MAP3K6: variants seen among roughly 807,000 people sequenced by gnomAD.
MAP3K6 encodes mitogen-activated protein kinase kinase kinase 6, also known as apoptosis signal-regulating kinase 2.
A neutral mutation model predicts 147.1 loss-of-function variants in MAP3K6; 105 were observed. The observed-to-expected ratio is 0.71, with a 90% CI of 0.61 to 0.84. MAP3K6 has a LOEUF of 0.84. MAP3K6 is among the 40% of genes least tolerant of loss of function. The pLI, the probability that MAP3K6 is intolerant of heterozygous loss-of-function variation, is 0.00. For synonymous variants in MAP3K6, 695 were observed against 732.4 expected, an observed-to-expected ratio of 0.95 and a Z score of 0.82; for missense variants, 1,569 against 1,715.0, an observed-to-expected ratio of 0.91 and a Z score of 1.50.
rs766950034 is a variant in MAP3K6 at position 27,355,665 on chromosome 1, G to A, written c.3788+4C>T. The A allele has an allele frequency of 1.6e-5, 26 of 1,613,406 alleles. No individual in the cohort carries two copies. Among genetic ancestry groups the A allele is most frequent in the Non-Finnish European group, 2.2e-5 (26 of 1,179,962 alleles). On this transcript the variant is annotated splice_donor_region_variant and intron_variant, in intron 28 of 28. Coordinates refer to ENST00000357582, the MANE Select transcript of MAP3K6 (RefSeq NM_004672.5). ...GGTTCACACTTGGGGGGCCCAGGAT[G>A]TACCTGATGCGGGTGTAGATGAGGT...
At chr1:27,361,104 C>G in intron 13 of MAP3K6, 53 bp downstream of exon 13, 2 of 1,537,754 alleles carry the variant, frequency 1.3e-6, no homozygotes, top group East Asian at 2.4e-5. Context: ...TTCCCCCACT[C>G]CCCCCCGGGC....
Position 27,359,364 on chromosome 1 carries a change from A to C in MAP3K6, c.2425+53T>G. 1.9e-6 allele frequency: 3 copies of C among 1,612,970 alleles called. No individual in the cohort carries two copies. Among genetic ancestry groups the C allele is most frequent in the Non-Finnish European group, 2.5e-6 (3 of 1,179,262 alleles). ...ACCCCCTTCCCTGGAAAGTTCCAAG[A>C]GATCTTCTGCCCCAGGTCAGCATCC... On this transcript the variant is annotated intron_variant, in intron 18 of 28. Transcript: ENST00000357582. The surrounding 1 kb of genome is among the most constrained non-coding windows in gnomAD (Gnocchi z 4.4).
At position 27,366,717 on chromosome 1, in the gene MAP3K6, G is replaced by C. The variant is rs2016002838; in HGVS notation, c.-120C>G. On this transcript the variant is annotated 5_prime_UTR_variant, in exon 1 of 29. Transcript: ENST00000357582. This position sits in a 1 kb window ranked among gnomAD's most constrained non-coding sequence, Gnocchi z 5.5. Reference sequence around the variant, plus strand: ...CGTTCGGAATCGGAGAATCTCCCACGGGATCTAGGGATCCGGAATACGGCC... The same window carrying C: ...CGTTCGGAATCGGAGAATCTCCCACCGGATCTAGGGATCCGGAATACGGCC... 1 of 709,198 alleles carries C rather than the reference G, an allele frequency of 1.4e-6. No individual in the cohort carries two copies. Among genetic ancestry groups the C allele is most frequent in the Non-Finnish European group, 1.7e-6 (1 of 574,258 alleles). The allele number at this position is 709,198 out of a possible 1,614,324, so 43.9% of individuals were successfully genotyped here.
intron 13 of MAP3K6, 23 bp downstream of exon 13, chr1:27,361,134 C>T (rs904055442): frequency 6.3e-7 from 1 of 1,589,082 alleles, no homozygotes; most frequent in East Asian, 2.3e-5. Flanking sequence ...CTCAGAGTAC[C>T]CCGACCATGA....
At chr1:27,357,661 G>C in intron 22 of MAP3K6, 50 bp downstream of exon 22, 1 of 1,594,934 alleles carries the variant, frequency 6.3e-7, no homozygotes, top group East Asian at 2.2e-5. Context: ...ACATCAACAG[G>C]TGTCCTGACC....
Position 27,360,771 on chromosome 1 carries a change from T to TA in MAP3K6, c.1987dup (p.Tyr663LeufsTer30). The TA allele has an allele frequency of 6.2e-7, 1 of 1,612,636 alleles. No individual in the cohort carries two copies. The highest frequency in any genetic ancestry group is 1.1e-5 in the South Asian group (1 of 91,080). ...CCTCGTGTGGCGATCGCGGCCCGCG[T>TA]ACACCACCCCATACGTGCCCTTGCC... On this transcript the variant is annotated frameshift_variant, in exon 15 of 29. Transcript: ENST00000357582. LOFTEE classifies it high-confidence loss of function. This position sits in a 1 kb window ranked among gnomAD's most constrained non-coding sequence, Gnocchi z 4.5.
Position 27,357,100 on chromosome 1 carries a change from G to T in MAP3K6, c.3273C>A (p.Leu1091=). The T allele has an allele frequency of 1.9e-6, 3 of 1,613,936 alleles. No individual in the cohort carries two copies. The highest frequency in any genetic ancestry group is 2.5e-6 in the Non-Finnish European group (3 of 1,179,922). Residue 1091 remains leucine, a synonymous_variant, in exon 24 of 29, where the codon CTC becomes CTA. Coordinates refer to ENST00000357582, the MANE Select transcript of MAP3K6 (RefSeq NM_004672.5). ...AGTGTGGACGGATCTGGCGCTTGCG[G>T]AGGATCTGCTTCACCTGCAGGGGGA... The part of the protein sequence containing the change: ...FAFPDAVKQI[L]RKRQIRPHWM...
intron 8 of MAP3K6, 67 bp from the exon 9 acceptor site, chr1:27,362,317 T>A: frequency 6.7e-7 from 1 of 1,491,092 alleles, no homozygotes; most frequent in Non-Finnish European, 9.1e-7. Context: ...ACCATTTCTG[T>A]GGGCCCGAGT....
Position 27,360,638 on chromosome 1 carries a change from C to A in MAP3K6, c.2054+67G>T, listed in dbSNP as rs186040047. 4.7e-4 allele frequency: 729 copies of A among 1,546,050 alleles called. 1 individual carries two copies. Among genetic ancestry groups the A allele is most frequent in the Middle Eastern group, 3.0e-3 (16 of 5,310 alleles). ...TAGGCCCCGCCCACAGGAGCCGCTC[C>A]GCTCGTGGCCCGGCTCACTCGGCCC... is the stretch of plus-strand genomic sequence containing the variant. On this transcript the variant is annotated intron_variant, in intron 15 of 28. Coordinates refer to ENST00000357582, the MANE Select transcript of MAP3K6 (RefSeq NM_004672.5). The surrounding 1 kb of genome is among the most constrained non-coding windows in gnomAD (Gnocchi z 4.5).
In MAP3K6 at chr1:27,364,721, G is replaced by A. The variant is rs938952927; in HGVS notation, c.481-37C>T. 1.9e-6 allele frequency: 3 copies of A among 1,614,042 alleles called. No homozygotes were observed. Among genetic ancestry groups the A allele is most frequent in the African/African-American group, 2.7e-5 (2 of 74,912 alleles). ...AGACAGTCAGATACTGGTGTTCTGT[G>A]TAGGCCTTACCCCAGCCCTGTGCCT... On this transcript the variant is annotated intron_variant, in intron 2 of 28. Transcript: ENST00000357582. This position sits in a 1 kb window ranked among gnomAD's most constrained non-coding sequence, Gnocchi z 4.4.
chr1:27,361,881 C>T lies in MAP3K6; in HGVS notation c.1416-14G>A, dbSNP rs1341169017. On this transcript the variant is annotated splice_polypyrimidine_tract_variant and intron_variant, in intron 9 of 28. Coordinates refer to ENST00000357582, the MANE Select transcript of MAP3K6 (RefSeq NM_004672.5). ...GACACCAGGTACCTGCATGCAAAGC[C>T]ACATCCTCAGTTCAGCCCAGGCACC... The T allele has an allele frequency of 6.5e-7, 1 of 1,530,548 alleles. No homozygotes were observed. Among genetic ancestry groups the T allele is most frequent in the Non-Finnish European group, 8.8e-7 (1 of 1,135,462 alleles). 94.8% of individuals were successfully genotyped at this position (1,530,548 alleles called of 1,614,324 possible).
rs752790523 is a variant in MAP3K6 at position 27,360,349 on chromosome 1, C to T, written c.2074G>A (p.Glu692Lys). Residue 692 changes from glutamate (E) to lysine (K), a missense_variant, in exon 16 of 29, where the codon GAA becomes AAA. Coordinates refer to ENST00000357582, the MANE Select transcript of MAP3K6 (RefSeq NM_004672.5). This position sits in a 1 kb window ranked among gnomAD's most constrained non-coding sequence, Gnocchi z 4.5. ...AGGCGTCTGTGAAGAGCGATCTCTT[C>T]ATGCAGGGGCTGAGAGAACCTGAGG... ...RDSRFSQPLH[E>K]EIALHRRLRH... The T allele has an allele frequency of 6.2e-6, 10 of 1,613,930 alleles. No individual in the cohort carries two copies. In the South Asian group the frequency reaches 1.1e-4, roughly 18 times the overall value.
chr1:27,361,072 C>A (rs2015743752), intron 13 of MAP3K6, 64 bp from the exon 14 acceptor site: 5 of 1,535,202 alleles, frequency 3.3e-6, no homozygotes, highest in African/African-American at 1.4e-5. Context: ...GCCGGAGCAT[C>A]CAACGGACGT....
rs749760860 is a variant in MAP3K6 at position 27,356,664 on chromosome 1, C to CGGGCTCTGCTGGCCT, written c.3435_3449dup (p.Gly1146_Pro1150dup). 2.0e-5 allele frequency: 32 copies of CGGGCTCTGCTGGCCT among 1,611,602 alleles called. No individual in the cohort carries two copies. Among genetic ancestry groups the CGGGCTCTGCTGGCCT allele is most frequent in the South Asian group, 2.2e-5 (2 of 90,792 alleles). On this transcript the variant is annotated inframe_insertion, in exon 25 of 29. Coordinates refer to ENST00000357582, the MANE Select transcript of MAP3K6 (RefSeq NM_004672.5). ...GGCCCTGCTCGGGCTCCACCGGAAG[C>CGGGCTCTGCTGGCCT]GGGCTCTGCTGGCCTGGGCTCTGCT...
rs1448016793 is a variant in MAP3K6, at chr1:27,364,694, G to A, written c.481-10C>T. 3.7e-6 allele frequency: 6 copies of A among 1,614,052 alleles called. No individual in the cohort carries two copies. In the East Asian group the frequency reaches 1.3e-4, roughly 36 times the overall value. The stretch of plus-strand genomic sequence containing the variant: ...TCTGGAAAACATCCTCCTGCAGGAG[G>A]CAGACAGTCAGATACTGGTGTTCTG... On this transcript the variant is annotated splice_polypyrimidine_tract_variant and intron_variant, in intron 2 of 28. Transcript: ENST00000357582. The surrounding 1 kb of genome is among the most constrained non-coding windows in gnomAD (Gnocchi z 4.4).
chr1:27,355,313 G>C lies in MAP3K6; in HGVS notation c.*78C>G. On this transcript the variant is annotated 3_prime_UTR_variant, in exon 29 of 29. Transcript: ENST00000357582. ...CCAGTCGCCCCAGGTCCTGGGGCTG[G>C]TGTGTCAGAAGCTGCCTTTGTCCTC... 7.4e-7 allele frequency: 1 copy of C among 1,352,724 alleles called. No individual in the cohort carries two copies. The highest frequency in any genetic ancestry group is 2.3e-5 in the East Asian group (1 of 43,648). 83.8% of individuals were successfully genotyped at this position (1,352,724 alleles called of 1,614,324 possible).
rs370035625 is a variant in MAP3K6 at position 27,356,665 on chromosome 1, G to A, written c.3449C>T (p.Pro1150Leu). 3.5e-5 allele frequency: 57 copies of A among 1,611,500 alleles called. No individual in the cohort carries two copies. Among genetic ancestry groups the A allele is most frequent in the Non-Finnish European group, 4.5e-5 (53 of 1,178,812 alleles). The stretch of plus-strand genomic sequence containing the variant: ...GCCCTGCTCGGGCTCCACCGGAAGC[G>A]GGCTCTGCTGGCCTGGGCTCTGCTG... ...DSQQSPGQQS[P>L]LPVEPEQGPA... Residue 1150 changes from proline (P) to leucine (L), a missense_variant, in exon 25 of 29, where the codon CCG becomes CTG. Physicochemically the swap from Pro to Leu is moderately conservative, Grantham distance 98. Transcript: ENST00000357582.
rs1237562887 is a variant in MAP3K6, at chr1:27,357,426, T to C, written c.3232A>G (p.Arg1078Gly). 3 of 1,599,600 alleles carry C rather than the reference T, an allele frequency of 1.9e-6. No individual in the cohort carries two copies. The highest frequency in any genetic ancestry group is 2.6e-6 in the Non-Finnish European group (3 of 1,170,956). ...AQGLGPALLHRPLFAFPDAVK... is the reference protein window; with the variant it reads ...AQGLGPALLHGPLFAFPDAVK... Reference sequence around the variant, plus strand: ...GCATCCGGGAAGGCAAACAGCGGTCTGTGCAGAAGCGCAGGCCCAAGGCCC... The same window carrying C: ...GCATCCGGGAAGGCAAACAGCGGTCCGTGCAGAAGCGCAGGCCCAAGGCCC... The change falls in exon 23 of 29, where the codon AGA (arginine) becomes GGA (glycine). Residue 1078 changes from arginine (R) to glycine (G), a missense_variant. Coordinates refer to ENST00000357582, the MANE Select transcript of MAP3K6 (RefSeq NM_004672.5).
At chr1:27,363,608 GCCAGGGT>G in intron 5 of MAP3K6, 60 bp from the exon 6 acceptor site, 2 of 1,357,294 alleles carry the variant, frequency 1.5e-6, no homozygotes. Flanking sequence ...GGAACCTTGA[GCCAGGGT>G]CCTGTCCCAC....
Sources: allele counts gnomAD v4.1 joint callset, GRCh38; gene constraint gnomAD v4.1.1; non-coding constraint Gnocchi (gnomAD v3.1); transcripts MANE v1.5; gene names NCBI Gene and HGNC (gene_info 2026-07-23, HGNC 2026-07-21).